Variants in HS6ST3 observed in about 807,000 individuals in gnomAD.
HS6ST3 encodes the protein heparan-sulfate 6-O-sulfotransferase 3.
Under a neutral mutation model 36.7 loss-of-function variants are expected in HS6ST3, and 12 were observed. The ratio of observed to expected loss-of-function variants is 0.33; its 90% CI spans 0.21 to 0.53. The LOEUF (loss-of-function observed/expected upper bound fraction) is 0.53, where lower values mean the gene tolerates loss of function less well. HS6ST3 is among the 20% of genes least tolerant of loss of function. The probability of loss-of-function intolerance (pLI) is 0.95; values close to 1 mark genes in which losing one functional copy is unlikely to be tolerated. For missense variants in HS6ST3, 584 were observed against 640.9 expected (o/e 0.91, Z 0.96); for synonymous variants, 240 against 257.5 (o/e 0.93, Z 0.65).
At chr13:96,756,560 T>C (rs562881833) in intron 1 of HS6ST3, among the ~76,000 whole-genome samples, 1 of 152,314 alleles carries the variant, frequency 6.6e-6, no homozygotes, top group East Asian at 1.9e-4. Context: ...GGTATTTTGA[T>C]TGGGATTTTA....
rs2055524635 is a variant in HS6ST3, at chr13:96,414,725, G to T, written c.707+323156G>T. On this transcript the variant is annotated intron_variant, in intron 1 of 1. Transcript: ENST00000376705. ...TAGAACTTCTGACCTCAGGTGATCT[G>T]CCCACCTTGGCCTCCCAAAGTGCAG... 2.0e-5 allele frequency among the ~76,000 whole-genome samples: 3 copies of T among 152,254 alleles called. 1 individual carries two copies. Among genetic ancestry groups the T allele is most frequent in the African/African-American group, 7.2e-5 (3 of 41,560 alleles).
intron 1 of HS6ST3, among the ~76,000 whole-genome samples, chr13:96,677,693 C>G (rs527472358): frequency 7.2e-5 from 11 of 152,112 alleles, no homozygotes; most frequent in Middle Eastern, 3.4e-3. Context: ...TAATGCTGTA[C>G]CCATGTCGCT....
intron 1 of HS6ST3, among the ~76,000 whole-genome samples, chr13:96,172,004 T>C (rs1023061348): frequency 3.3e-5 from 5 of 152,208 alleles, no homozygotes; most frequent in African/African-American, 1.2e-4. Flanking sequence ...TGGTTTCTTT[T>C]TGAGCCCTGC....
intron 1 of HS6ST3, among the ~76,000 whole-genome samples, chr13:96,171,400 G>A (rs1462064773): frequency 2.0e-5 from 3 of 152,130 alleles, no homozygotes; most frequent in South Asian, 2.1e-4. Context: ...CTGTACTTAC[G>A]GAATGGAATT....
intron 1 of HS6ST3, among the ~76,000 whole-genome samples, chr13:96,768,287 G>A (rs1336881471): frequency 6.6e-6 from 1 of 152,186 alleles, no homozygotes; most frequent in African/African-American, 2.4e-5. Context: ...AAAAGGAAAT[G>A]GATATTATAT....
At chr13:96,704,092 G>A (rs1431421229) in intron 1 of HS6ST3, among the ~76,000 whole-genome samples, 1 of 152,174 alleles carries the variant, frequency 6.6e-6, no homozygotes, top group Non-Finnish European at 1.5e-5. Flanking sequence ...GTGTGAAAAT[G>A]AACTAATACA....
At chr13:96,690,694 C>T (rs1026166145) in intron 1 of HS6ST3, among the ~76,000 whole-genome samples, 1 of 151,972 alleles carries the variant, frequency 6.6e-6, no homozygotes, top group African/African-American at 2.4e-5. Context: ...TCAAAAATGC[C>T]TCTGTGCAGC....
At position 96,832,708 on chromosome 13, in the gene HS6ST3, G is replaced by T. The variant is rs763499432; in HGVS notation, c.926G>T (p.Arg309Leu). 1.2e-6 allele frequency: 2 copies of T among 1,613,950 alleles called. No homozygotes were observed. Among genetic ancestry groups the T allele is most frequent in the Non-Finnish European group, 1.7e-6 (2 of 1,179,910 alleles). Residue 309 changes from arginine to leucine, a missense_variant, in exon 2 of 2, where the codon CGC (arginine) becomes CTC (leucine). By Grantham distance (102) the Arg-to-Leu change is moderately radical. Transcript: ENST00000376705. The stretch of plus-strand genomic sequence containing the variant: ...TGCACCTACAACCTGGCTAACAATC[G>T]CCAGGTGCGCATGCTGGCTGACCTC... ...MDCTYNLANN[R>L]QVRMLADLSL...
At chr13:96,452,341 G>A (rs1251698802) in intron 1 of HS6ST3, among the ~76,000 whole-genome samples, 1 of 152,104 alleles carries the variant, frequency 6.6e-6, no homozygotes, top group Admixed American at 6.6e-5. Context: ...AGTGTTGAAG[G>A]AGACATTTTT....
chr13:96,765,385 T>C (rs1877083289), intron 1 of HS6ST3, among the ~76,000 whole-genome samples: 2 of 152,214 alleles, frequency 1.3e-5, no homozygotes, highest in Admixed American at 1.3e-4. Flanking sequence ...CTTGCCATAT[T>C]TCAAGCACTC....
intron 1 of HS6ST3, among the ~76,000 whole-genome samples, chr13:96,116,727 C>T (rs1399798099): frequency 6.6e-6 from 1 of 152,116 alleles, no homozygotes; most frequent in Non-Finnish European, 1.5e-5. Flanking sequence ...CAATGAATGC[C>T]TGAACATTGC....
intron 1 of HS6ST3, among the ~76,000 whole-genome samples, chr13:96,539,142 C>T (rs2056167721): frequency 6.6e-6 from 1 of 152,136 alleles, no homozygotes; most frequent in Admixed American, 6.5e-5. Context: ...TGCTTTTATA[C>T]TTTGGCCATA....
chr13:96,435,996 A>G (rs2055639776), intron 1 of HS6ST3, among the ~76,000 whole-genome samples: 1 of 152,194 alleles, frequency 6.6e-6, no homozygotes, highest in African/African-American at 2.4e-5. Flanking sequence ...TCTTAGCTGC[A>G]TTCTCTTTCT....
intron 1 of HS6ST3, among the ~76,000 whole-genome samples, chr13:96,644,043 T>C (rs898470727): frequency 6.6e-6 from 1 of 151,956 alleles, no homozygotes; most frequent in African/African-American, 2.4e-5. Flanking sequence ...AAAGATAATC[T>C]TTTTGGATGT....
chr13:96,578,931 A>T (rs1056641722), intron 1 of HS6ST3, among the ~76,000 whole-genome samples: 1 of 152,026 alleles, frequency 6.6e-6, no homozygotes, highest in Non-Finnish European at 1.5e-5. Context: ...TCTCATAATA[A>T]CCCAGAGCTA....
intron 1 of HS6ST3, among the ~76,000 whole-genome samples, chr13:96,272,311 ATATAACAC>A (rs1284627496): frequency 6.6e-6 from 1 of 152,048 alleles, no homozygotes; most frequent in African/African-American, 2.4e-5. Flanking sequence ...CTGTGCTGAA[ATATAACAC>A]TAATAACATA....
chr13:96,310,762 C>T (rs1352476553), intron 1 of HS6ST3, among the ~76,000 whole-genome samples: 2 of 152,034 alleles, frequency 1.3e-5, no homozygotes, highest in Non-Finnish European at 2.9e-5. Flanking sequence ...CCACGTACTC[C>T]TTTATTGTAT....
At chr13:96,594,768 T>G (rs947705049) in intron 1 of HS6ST3, among the ~76,000 whole-genome samples, 1 of 152,244 alleles carries the variant, frequency 6.6e-6, no homozygotes, top group African/African-American at 2.4e-5. Context: ...CACACCACCA[T>G]TATAATATTA....
intron 1 of HS6ST3, among the ~76,000 whole-genome samples, chr13:96,325,293 T>G (rs1379199871): frequency 6.6e-6 from 1 of 152,156 alleles, no homozygotes; most frequent in Non-Finnish European, 1.5e-5. Context: ...GGTAAGGAAA[T>G]AGTTTTACAC....
Sources: gnomAD v4.1 joint callset for allele counts (sites outside exome capture counted in the v4.1 genomes callset) on GRCh38, gnomAD v4.1.1 for gene constraint, MANE v1.5 for transcripts, NCBI Gene and HGNC (gene_info 2026-07-23, HGNC 2026-07-21) for gene names.